Variants in PLEKHA1 observed in about 807,000 individuals in gnomAD.
The protein encoded by PLEKHA1 is pleckstrin homology domain-containing family A member 1.
Under a neutral mutation model 52.0 loss-of-function variants are expected in PLEKHA1, and 34 were observed. The ratio of observed to expected loss-of-function variants is 0.65; its 90% CI spans 0.50 to 0.87. PLEKHA1 has a LOEUF of 0.87. Among genes scored for constraint, PLEKHA1 ranks in the 40% least tolerant of loss-of-function variants. The probability of loss-of-function intolerance (pLI) is 0.00; values close to 1 mark genes in which losing one functional copy is unlikely to be tolerated. For synonymous variants in PLEKHA1, 163 were observed against 170.7 expected (o/e 0.95, Z 0.35); for missense variants, 497 against 504.2 (o/e 0.99, Z 0.14).
chr10:122,432,519 C>T (rs903916048), downstream of PLEKHA1: 3 of 151,444 alleles, frequency 2.0e-5, no homozygotes, highest in African/African-American at 7.3e-5. Context: ...TAATGCATCC[C>T]TGCATGTGAA....
intron 4 of PLEKHA1, among the ~76,000 whole-genome samples, 166 bp downstream of exon 4, chr10:122,400,554 C>T (rs760097676): frequency 6.6e-6 from 1 of 152,114 alleles, no homozygotes; most frequent in Non-Finnish European, 1.5e-5. Context: ...TTTTGCACCC[C>T]CTCTCCCCTA....
At chr10:122,428,267 G>A in intron 11 of PLEKHA1, 1 of 1,537,982 alleles carries the variant, frequency 6.5e-7, no homozygotes, top group Non-Finnish European at 8.8e-7. Context: ...GCTTTGCACT[G>A]TGTTCCAGAT....
chr10:122,409,519 T>TA (rs1165924480), intron 5 of PLEKHA1, among the ~76,000 whole-genome samples: 1 of 152,218 alleles, frequency 6.6e-6, no homozygotes, highest in Non-Finnish European at 1.5e-5. Context: ...ATGTCTAAGA[T>TA]ATATATGGTT....
intron 8 of PLEKHA1, chr10:122,421,193 A>C (rs925969905): frequency 6.6e-6 from 1 of 152,114 alleles, no homozygotes; most frequent in Non-Finnish European, 1.5e-5. Flanking sequence ...TAATGAGGTA[A>C]ATTGAAATCA....
In PLEKHA1 at chr10:122,423,596, A is replaced by G. The variant is rs2097295294; in HGVS notation, c.682-603A>G. Reference sequence around the variant, plus strand: ...AAATATGCTATTAGGAACCAGTTTTATATTTGTATCTTATATCTACTTTGT... The same window carrying G: ...AAATATGCTATTAGGAACCAGTTTTGTATTTGTATCTTATATCTACTTTGT... On this transcript the variant is annotated intron_variant, in intron 8 of 11. Transcript: ENST00000368990. 1.3e-5 allele frequency: 2 copies of G among 152,348 alleles called. 1 individual carries two copies. Among genetic ancestry groups the G allele is most frequent in the South Asian group, 4.1e-4 (2 of 4,830 alleles). The allele number at this position is 152,348 out of a possible 1,614,324, so 9.4% of individuals were successfully genotyped here.
intron 8 of PLEKHA1, chr10:122,422,500 G>A (rs1813667030): frequency 6.6e-6 from 1 of 152,338 alleles, no homozygotes; most frequent in Admixed American, 6.5e-5. Flanking sequence ...TGTCATGTCT[G>A]TGGCTTCCTG....
chr10:122,427,740 G>T (rs2097360730), intron 11 of PLEKHA1, among the ~76,000 whole-genome samples: 1 of 150,530 alleles, frequency 6.6e-6, no homozygotes, highest in Admixed American at 6.6e-5. Flanking sequence ...GGAATACTTT[G>T]GCCACTGATC....
intron 10 of PLEKHA1, 84 bp downstream of exon 10, chr10:122,425,043 T>C: frequency 8.2e-7 from 1 of 1,220,222 alleles, no homozygotes; most frequent in African/African-American, 1.5e-5. Context: ...AACAAGCTTG[T>C]TGCACTTGAG....
At chr10:122,433,010 C>G (rs1194187256), downstream of PLEKHA1, 1 of 152,142 alleles carries the variant, frequency 6.6e-6, no homozygotes, top group Non-Finnish European at 1.5e-5. Flanking sequence ...TTCCTTAAAG[C>G]AACTTGCCTT....
In PLEKHA1 at chr10:122,415,798, T is replaced by C. The variant is rs1453980586; in HGVS notation, c.469-61T>C. The C allele has an allele frequency of 1.8e-5, 26 of 1,468,104 alleles. 1 individual carries two copies. The East Asian group carries it at 6.3e-4, about 35-fold the overall frequency. 90.9% of individuals were successfully genotyped at this position (1,468,104 alleles called of 1,614,324 possible). On this transcript the variant is annotated intron_variant, in intron 6 of 11. Transcript: ENST00000368990. ...ATTTTAAGATTTTCTACTGGGATAATATGAAATAAAAGTATGCTAAACAAG... is the reference window on the plus strand; with the variant it reads ...ATTTTAAGATTTTCTACTGGGATAACATGAAATAAAAGTATGCTAAACAAG...
chr10:122,384,359 A>G (rs1331820766), intron 1 of PLEKHA1, among the ~76,000 whole-genome samples: 2 of 152,196 alleles, frequency 1.3e-5, no homozygotes, highest in Non-Finnish European at 2.9e-5. Flanking sequence ...CTGTAATCCC[A>G]GCACTTTGGG....
At chr10:122,439,366 C>G in the PLEKHA1 span, 1 of 148,434 alleles carries the variant, frequency 6.7e-6, no homozygotes, top group South Asian at 2.2e-4. Context: ...GTTTTACTAG[C>G]TTCATAGAAA....
chr10:122,412,672 G>T, intron 5 of PLEKHA1: 1 of 444,100 alleles, frequency 2.3e-6, no homozygotes. Flanking sequence ...GACAGGAGTA[G>T]TAAAGGAGAA....
intron 5 of PLEKHA1, 182 bp from the exon 6 acceptor site, chr10:122,412,738 A>T (rs947798084): frequency 1.6e-6 from 1 of 621,040 alleles, no homozygotes; most frequent in Non-Finnish European, 2.7e-6. Context: ...TAGCTATATT[A>T]TAAAATATTA....
At chr10:122,418,219 CTATAAATTTCCTCTAAAGGGG>C in intron 8 of PLEKHA1, 1 of 346,114 alleles carries the variant, frequency 2.9e-6, no homozygotes, top group South Asian at 5.7e-5. Flanking sequence ...ATCCTCTAGT[CTATAAATTTCCTCTAAAGGGG>C]CTGTCCTCTT....
At chr10:122,416,141 A>G in intron 7 of PLEKHA1, 139 bp downstream of exon 7, 1 of 967,222 alleles carries the variant, frequency 1.0e-6, no homozygotes, top group Non-Finnish European at 1.5e-6. Context: ...GTCAGGAGAT[A>G]AAATAGGGGA....
At chr10:122,414,472 A>G (rs1014829153) in intron 6 of PLEKHA1, among the ~76,000 whole-genome samples, 10 of 152,128 alleles carry the variant, frequency 6.6e-5, no homozygotes, top group African/African-American at 2.4e-4. Flanking sequence ...AATAAAAAAT[A>G]CTTGCTCTAT....
chr10:122,407,124 T>C (rs1408983519), intron 5 of PLEKHA1, among the ~76,000 whole-genome samples: 1 of 152,104 alleles, frequency 6.6e-6, no homozygotes, highest in East Asian at 1.9e-4. Flanking sequence ...AGATGAAGGC[T>C]GAAAAATGAG....
rs2096807199 is a variant in PLEKHA1 at position 122,393,739 on chromosome 10, T to G, written c.141+398T>G. Among the ~76,000 whole-genome samples, 2 of 152,222 alleles carry G rather than the reference T, an allele frequency of 1.3e-5. No individual in the cohort carries two copies. Reference sequence around the variant, plus strand: ...AAAGACCAGGGATAGATGATTTTCTTGCATTAAGGAGGCTTAATACCAGGG... The same window carrying G: ...AAAGACCAGGGATAGATGATTTTCTGGCATTAAGGAGGCTTAATACCAGGG... On this transcript the variant is annotated intron_variant, in intron 2 of 11. Transcript: ENST00000368990. The surrounding 1 kb of genome is among the most constrained non-coding windows in gnomAD (Gnocchi z 4.5).
Sources: gnomAD v4.1 joint callset for allele counts (sites outside exome capture counted in the v4.1 genomes callset) on GRCh38, gnomAD v4.1.1 for gene constraint, Gnocchi (gnomAD v3.1) non-coding constraint, MANE v1.5 for transcripts, NCBI Gene and HGNC (gene_info 2026-07-23, HGNC 2026-07-21) for gene names.